SCN3A: variants seen among roughly 807,000 people sequenced by gnomAD.
The protein encoded by SCN3A is sodium voltage-gated channel alpha subunit 3.
In SCN3A, 60 loss-of-function variants were observed where a neutral mutation model predicts 187.6. That is an observed-to-expected ratio of 0.32 (90% CI 0.26 to 0.40). SCN3A has a LOEUF of 0.40. Ranked by LOEUF, SCN3A falls within the 10% of genes least tolerant of loss-of-function variation. The probability of loss-of-function intolerance (pLI) is 1.00; values close to 1 mark genes in which losing one functional copy is unlikely to be tolerated. For synonymous variants in SCN3A, 788 were observed against 829.2 expected (o/e 0.95, Z 0.85); for missense variants, 1,601 against 2,428.2 (o/e 0.66, Z 7.16).
At chr2:165,202,979 T>C (rs1053259620) in intron 1 of SCN3A, among the ~76,000 whole-genome samples, 19 of 152,148 alleles carry the variant, frequency 1.2e-4, no homozygotes, top group African/African-American at 4.6e-4. Context: ...GGTTATGATA[T>C]AGAATATTCT....
intron 9 of SCN3A, among the ~76,000 whole-genome samples, chr2:165,160,030 GA>G (rs1478419935): frequency 7.4e-6 from 1 of 135,500 alleles, no homozygotes; most frequent in African/African-American, 3.0e-5. Context: ...TCGGGAGGCT[GA>G]GGCAGGAGAA....
intron 1 of SCN3A, among the ~76,000 whole-genome samples, chr2:165,196,072 C>T (rs895056809): frequency 6.6e-6 from 1 of 152,062 alleles, no homozygotes; most frequent in East Asian, 1.9e-4. Context: ...TTTAAGGTGA[C>T]CCTTCTTCAT....
At chr2:165,174,843 A>T (rs1690348809) in intron 3 of SCN3A, among the ~76,000 whole-genome samples, 1 of 152,208 alleles carries the variant, frequency 6.6e-6, no homozygotes. Context: ...GAAACTAGCT[A>T]TAAAAGGGGA....
rs114101965 is a variant in SCN3A, at chr2:165,177,138, C to A, written c.-50-694G>T. Among the ~76,000 whole-genome samples the A allele has an allele frequency of 6.9e-3, 1,053 of 152,302 alleles. 6 individuals are homozygous for A. Among genetic ancestry groups the A allele is most frequent in the African/African-American group, 0.024 (986 of 41,558 alleles). On this transcript the variant is annotated intron_variant, in intron 2 of 27. Transcript: ENST00000283254. ...TTCCTTTCTTTTATTAAGCCAGACT[C>A]TGTTTCCTTCTGAGGCAATGGAGAA...
chr2:165,122,136 A>T (rs1481775028), intron 18 of SCN3A, among the ~76,000 whole-genome samples: 2 of 152,090 alleles, frequency 1.3e-5, no homozygotes, highest in East Asian at 3.9e-4. Flanking sequence ...ATGAAAATCC[A>T]AGATATGTGT....
At position 165,140,828 on chromosome 2, in the gene SCN3A, C is replaced by T. The variant is rs370922010; in HGVS notation, c.1842G>A (p.Pro614=). Residue 614 remains proline, a synonymous_variant, in exon 13 of 28, where the codon CCG becomes CCA. Transcript: ENST00000283254. This position sits in a 1 kb window ranked among gnomAD's most constrained non-coding sequence, Gnocchi z 4.2. ...SESRRDSLFV[P]HRHGERRNSN... ...TGTTGCGTCGCTCTCCATGTCTGTG[C>T]GGCACAAACAGTGAGTCTCTCCTGC... The T allele has an allele frequency of 6.8e-6, 11 of 1,613,972 alleles. No individual in the cohort carries two copies. Among genetic ancestry groups the T allele is most frequent in the Admixed American group, 3.3e-5 (2 of 59,972 alleles).
At chr2:165,157,451 A>G (rs1212863606) in intron 9 of SCN3A, among the ~76,000 whole-genome samples, 1 of 152,146 alleles carries the variant, frequency 6.6e-6, no homozygotes, top group South Asian at 2.1e-4. Context: ...TTTTGGGTGG[A>G]AGACTACAGA....
intron 11 of SCN3A, among the ~76,000 whole-genome samples, chr2:165,148,545 T>C (rs1688491382): frequency 1.3e-5 from 2 of 152,078 alleles, no homozygotes; most frequent in African/African-American, 4.8e-5. Flanking sequence ...AAAATTACTA[T>C]GCTGCAAATT....
Position 165,095,663 on chromosome 2 carries a change from A to G in SCN3A, c.4294-15T>C. Reference sequence around the variant, plus strand: ...TGAAGTTTAACCTAAATGATATTGAAAATATTAAATAATATGAAAAATACT... The same window carrying G: ...TGAAGTTTAACCTAAATGATATTGAGAATATTAAATAATATGAAAAATACT... On this transcript the variant is annotated splice_polypyrimidine_tract_variant and intron_variant, in intron 24 of 27. Coordinates refer to ENST00000283254, the MANE Select transcript of SCN3A (RefSeq NM_006922.4). The G allele has an allele frequency of 8.0e-7, 1 of 1,247,872 alleles. No homozygotes were observed. Among genetic ancestry groups the G allele is most frequent in the Non-Finnish European group, 1.2e-6 (1 of 854,984 alleles). 77.3% of individuals were successfully genotyped at this position (1,247,872 alleles called of 1,614,324 possible). A position where few individuals can be genotyped will look rare whatever the true frequency, so the allele number is the denominator to read the frequency against.
At chr2:165,116,928 G>T (rs1686394593) in intron 18 of SCN3A, among the ~76,000 whole-genome samples, 1 of 147,978 alleles carries the variant, frequency 6.8e-6, no homozygotes, top group South Asian at 2.1e-4. Context: ...TAGTTCTTAG[G>T]GTCATGATAG....
At chr2:165,149,861 T>C (rs1688592346) in intron 11 of SCN3A, among the ~76,000 whole-genome samples, 1 of 152,212 alleles carries the variant, frequency 6.6e-6, no homozygotes, top group Non-Finnish European at 1.5e-5. Context: ...CAAAGTAGGC[T>C]CTGTAACTCA....
At chr2:165,177,769 C>A (rs1171008265) in intron 2 of SCN3A, among the ~76,000 whole-genome samples, 1 of 152,088 alleles carries the variant, frequency 6.6e-6, no homozygotes, top group Non-Finnish European at 1.5e-5. Flanking sequence ...ACTATCAAAA[C>A]CACAAGAAAT....
chr2:165,164,459 A>C lies in SCN3A; in HGVS notation c.535T>G (p.Cys179Gly), dbSNP rs766115852. ...SLIKILARGF[C>G]LEDFTFLRDP... Reference sequence around the variant, plus strand: ...CGAAGAAACGTAAAATCTTCTAAGCAAAACCCTCTTGCCAAGATTTTTATA... The same window carrying C: ...CGAAGAAACGTAAAATCTTCTAAGCCAAACCCTCTTGCCAAGATTTTTATA... The change falls in exon 6 of 28, where the codon TGC (cysteine) becomes GGC (glycine). Residue 179 changes from cysteine (C) to glycine (G), a missense_variant. By Grantham distance (159) the Cys-to-Gly change is radical (BLOSUM62 -3). This residue lies in a region of SCN3A where 122 missense variants were observed against 225.1 expected (regional missense o/e 0.54). Coordinates refer to ENST00000283254, the MANE Select transcript of SCN3A (RefSeq NM_006922.4). 2 of 1,613,834 alleles carry C rather than the reference A, an allele frequency of 1.2e-6. No individual in the cohort carries two copies. The highest frequency in any genetic ancestry group is 2.2e-5 in the South Asian group (2 of 91,072).
chr2:165,176,849 A>G (rs1165264365), intron 2 of SCN3A, among the ~76,000 whole-genome samples: 1 of 152,184 alleles, frequency 6.6e-6, no homozygotes, highest in Non-Finnish European at 1.5e-5. Context: ...TTTGTCAATA[A>G]AATTGCTTAA....
chr2:165,098,695 G>A (rs568285443), intron 22 of SCN3A, among the ~76,000 whole-genome samples: 2 of 152,296 alleles, frequency 1.3e-5, no homozygotes, highest in South Asian at 2.1e-4. Flanking sequence ...GGTTGGACAA[G>A]TTTGGTACAC....
At chr2:165,177,839 T>G (rs1322054430) in intron 2 of SCN3A, among the ~76,000 whole-genome samples, 1 of 152,136 alleles carries the variant, frequency 6.6e-6, no homozygotes, top group Non-Finnish European at 1.5e-5. Flanking sequence ...AAAATCACAT[T>G]TAAAAAATCA....
Position 165,154,613 on chromosome 2 carries a change from C to T in SCN3A, c.1219G>A (p.Val407Ile), listed in dbSNP as rs149918908. 2.5e-6 allele frequency: 4 copies of T among 1,613,916 alleles called. No individual in the cohort carries two copies. Among genetic ancestry groups the T allele is most frequent in the Non-Finnish European group, 3.4e-6 (4 of 1,179,994 alleles). Reference protein sequence around the residue: ...GKTYMIFFVLVIFLGSFYLVN... With the variant: ...GKTYMIFFVLIIFLGSFYLVN... ...AAATAAAATGAGCCCAAGAAAATGA[C>T]CAGGACAAAAAATATCATGTATGTT... Residue 407 changes from valine (V) to isoleucine (I), a missense_variant, in exon 11 of 28, where the codon GTC (valine) becomes ATC (isoleucine). By Grantham distance (29) the Val-to-Ile change is conservative. Coordinates refer to ENST00000283254, the MANE Select transcript of SCN3A (RefSeq NM_006922.4).
intron 25 of SCN3A, among the ~76,000 whole-genome samples, chr2:165,095,300 T>C (rs1171837324): frequency 6.6e-6 from 1 of 152,110 alleles, no homozygotes; most frequent in African/African-American, 2.4e-5. Context: ...AGTGGACACA[T>C]TTTTGGGTCA....
intron 21 of SCN3A, among the ~76,000 whole-genome samples, chr2:165,104,865 C>T (rs1363106971): frequency 2.6e-5 from 4 of 152,022 alleles, no homozygotes; most frequent in African/African-American, 9.7e-5. Flanking sequence ...TTATTTATAC[C>T]CCCTACTGAA....
Sources: allele counts gnomAD v4.1 joint callset (sites outside exome capture counted in the v4.1 genomes callset), GRCh38; gene constraint gnomAD v4.1.1; regional missense constraint gnomAD v4.1.1; non-coding constraint Gnocchi (gnomAD v3.1); transcripts MANE v1.5; gene names NCBI Gene and HGNC (gene_info 2026-07-23, HGNC 2026-07-21).